The following BMPER variants were observed in gnomAD, a reference collection of about 807,000 sequenced individuals.
BMPER encodes the protein BMP-binding endothelial regulator protein.
Under a neutral mutation model 87.3 loss-of-function variants are expected in BMPER, and 45 were observed. The ratio of observed to expected loss-of-function variants is 0.52; its 90% CI spans 0.41 to 0.66. The LOEUF is 0.66. Ranked by LOEUF, BMPER falls within the 30% of genes least tolerant of loss-of-function variation. BMPER has a pLI of 0.00. For synonymous variants in BMPER, 326 were observed against 316.2 expected (o/e 1.03, Z -0.33); for missense variants, 784 against 867.5 (o/e 0.90, Z 1.21).
rs569637489 is a variant in BMPER, at chr7:33,987,651, C to A, written c.576+12867C>A. Among the ~76,000 whole-genome samples, 9 of 152,280 alleles carry A rather than the reference C, an allele frequency of 5.9e-5. No individual in the cohort carries two copies. In the South Asian group the frequency reaches 1.9e-3, roughly 32 times the overall value. ...ACCAGGAGTCAGCTCCAGTGTCAAACATGTCTATCACAGAATCCTACTACT... is the reference window on the plus strand; with the variant it reads ...ACCAGGAGTCAGCTCCAGTGTCAAAAATGTCTATCACAGAATCCTACTACT... On this transcript the variant is annotated intron_variant, in intron 6 of 14. Transcript: ENST00000649409.
At chr7:34,058,693 T>C (rs1788349179) in intron 10 of BMPER, among the ~76,000 whole-genome samples, 1 of 152,228 alleles carries the variant, frequency 6.6e-6, no homozygotes, top group Non-Finnish European at 1.5e-5. Flanking sequence ...AAATATCTCT[T>C]TTCAAAAACT....
intron 2 of BMPER, among the ~76,000 whole-genome samples, chr7:33,924,490 A>T (rs1451806795): frequency 6.6e-6 from 1 of 152,072 alleles, no homozygotes; most frequent in Non-Finnish European, 1.5e-5. Context: ...ACCGTGCTCC[A>T]GCTGCGCGCT....
chr7:34,078,755 C>T, intron 11 of BMPER, 102 bp from the exon 12 acceptor site: 2 of 1,202,708 alleles, frequency 1.7e-6, no homozygotes, highest in Non-Finnish European at 2.5e-6. Flanking sequence ...TCCCTTAGTG[C>T]ATTTCTGCTA....
chr7:34,062,977 C>G (rs187635416), intron 11 of BMPER, among the ~76,000 whole-genome samples: 2 of 152,328 alleles, frequency 1.3e-5, no homozygotes, highest in Non-Finnish European at 2.9e-5. Flanking sequence ...TACTACTGAT[C>G]ATACAGACAG....
intron 13 of BMPER, among the ~76,000 whole-genome samples, chr7:34,094,172 T>A (rs1789466712): frequency 6.6e-6 from 1 of 152,228 alleles, no homozygotes. Flanking sequence ...GTTATTTAAT[T>A]CACTCCTTTT....
rs910597111 is a variant in BMPER at position 34,107,586 on chromosome 7, A to G, written c.1745+21494A>G. Among the ~76,000 whole-genome samples, 58 of 152,176 alleles carry G rather than the reference A, an allele frequency of 3.8e-4. 1 individual carries two copies. Among genetic ancestry groups the G allele is most frequent in the Non-Finnish European group, 8.8e-5 (6 of 68,030 alleles). On this transcript the variant is annotated intron_variant, in intron 13 of 14. Coordinates refer to ENST00000649409, the MANE Select transcript of BMPER (RefSeq NM_001365308.1). ...GTTTTTTTTCGGAAGTAAAATAGAAATCTGACACCAACTCAGGCCCAGGTG... is the reference window on the plus strand; with the variant it reads ...GTTTTTTTTCGGAAGTAAAATAGAAGTCTGACACCAACTCAGGCCCAGGTG...
At chr7:34,104,158 A>G (rs1789756534) in intron 13 of BMPER, among the ~76,000 whole-genome samples, 1 of 152,140 alleles carries the variant, frequency 6.6e-6, no homozygotes, top group South Asian at 2.1e-4. Flanking sequence ...GCTAAGGACT[A>G]TTTCTTTCTA....
rs538944118 is a variant in BMPER, at chr7:33,991,245, G to A, written c.576+16461G>A. Reference sequence around the variant, plus strand: ...AATTCGGCTGTGAATCCATCTGGTCGTGGACTCTTTTTGGTTGGTAAGCTA... The same window carrying A: ...AATTCGGCTGTGAATCCATCTGGTCATGGACTCTTTTTGGTTGGTAAGCTA... On this transcript the variant is annotated intron_variant, in intron 6 of 14. Transcript: ENST00000649409. 1.3e-4 allele frequency among the ~76,000 whole-genome samples: 20 copies of A among 148,942 alleles called. No individual in the cohort carries two copies. The South Asian group carries it at 2.7e-3, about 20-fold the overall frequency.
intron 13 of BMPER, among the ~76,000 whole-genome samples, chr7:34,129,680 G>GAAAGAAAGAA (rs1313374728): frequency 3.7e-4 from 56 of 151,300 alleles, no homozygotes; most frequent in African/African-American, 1.3e-3. Context: ...AAGAAAGAAA[G>GAAAGAAAGAA]AAAACCTGCC....
chr7:33,937,376 G>T lies in BMPER; in HGVS notation c.307G>T (p.Glu103Ter). ...LAIKQRGACC[E>*]QCKGCTYEGN... ...CATCAAGCAGAGGGGAGCCTGTTGT[G>T]AACAGTGCAAAGGTGATTGATGTCT... Residue 103 changes from glutamate (E) to a stop codon, truncating the protein, a stop_gained, in exon 3 of 15, where the codon GAA becomes TAA. Transcript: ENST00000649409. LOFTEE classifies it high-confidence loss of function. 6.2e-7 allele frequency: 1 copy of T among 1,614,122 alleles called. No homozygotes were observed. Among genetic ancestry groups the T allele is most frequent in the Non-Finnish European group, 8.5e-7 (1 of 1,179,976 alleles).
intron 14 of BMPER, among the ~76,000 whole-genome samples, chr7:34,145,305 C>G (rs1790988292): frequency 6.6e-6 from 1 of 152,106 alleles, no homozygotes; most frequent in Non-Finnish European, 1.5e-5. Context: ...GCACCAGAGC[C>G]CTTTCACCTT....
In BMPER at chr7:34,123,294, G is replaced by C. The variant is rs548424961; in HGVS notation, c.1746-19936G>C. Among the ~76,000 whole-genome samples the C allele has an allele frequency of 1.2e-4, 18 of 152,286 alleles. No individual in the cohort carries two copies. In the East Asian group the frequency reaches 3.5e-3, roughly 29 times the overall value. Reference sequence around the variant, plus strand: ...AATATGCTTCCCGAAGAGAATCAGAGGCCAGTGCTATCTTTTAGCACTAAG... The same window carrying C: ...AATATGCTTCCCGAAGAGAATCAGACGCCAGTGCTATCTTTTAGCACTAAG... On this transcript the variant is annotated intron_variant, in intron 13 of 14. Transcript: ENST00000649409.
At chr7:34,142,162 C>G (rs1397072849) in intron 13 of BMPER, among the ~76,000 whole-genome samples, 6 of 152,120 alleles carry the variant, frequency 3.9e-5, no homozygotes, top group Non-Finnish European at 7.4e-5. Flanking sequence ...TTGGAGGCCT[C>G]TTGCATAAAT....
intron 6 of BMPER, among the ~76,000 whole-genome samples, chr7:34,026,146 G>A (rs1414981218): frequency 6.6e-6 from 1 of 152,034 alleles, no homozygotes; most frequent in Non-Finnish European, 1.5e-5. Flanking sequence ...TGATGGTAAT[G>A]GGGTTGAGAC....
chr7:34,074,973 T>TG (rs973476923), intron 11 of BMPER, among the ~76,000 whole-genome samples: 23 of 152,144 alleles, frequency 1.5e-4, no homozygotes, highest in African/African-American at 5.3e-4. Flanking sequence ...TTGTTGTGTT[T>TG]GGGGGGAGTA....
intron 5 of BMPER, among the ~76,000 whole-genome samples, chr7:33,971,543 A>G (rs1785547882): frequency 6.6e-6 from 1 of 152,204 alleles, no homozygotes; most frequent in African/African-American, 2.4e-5. Context: ...GTGTCTATCA[A>G]GCAGAGATTG....
At chr7:33,996,587 ACC>A (rs1786417385) in intron 6 of BMPER, among the ~76,000 whole-genome samples, 3 of 152,058 alleles carry the variant, frequency 2.0e-5, no homozygotes, top group Non-Finnish European at 2.9e-5. Context: ...TTTATTTAAT[ACC>A]TGTTTATGAT....
chr7:33,936,020 C>T lies in BMPER; in HGVS notation c.220-1269C>T, dbSNP rs115435149. On this transcript the variant is annotated intron_variant, in intron 2 of 14. Coordinates refer to ENST00000649409, the MANE Select transcript of BMPER (RefSeq NM_001365308.1). ...GTAGAACTCACTCTCAGCTCACACA[C>T]AAGCTCGCAGGCACATATGCACATG... is the stretch of plus-strand genomic sequence containing the variant. Among the ~76,000 whole-genome samples the T allele has an allele frequency of 6.5e-3, 997 of 152,238 alleles. 12 individuals carry two copies. The highest frequency in any genetic ancestry group is 0.023 in the African/African-American group (951 of 41,546).
rs6968741 is a variant in BMPER, at chr7:34,153,150, G to C, written c.1935G>C (p.Thr645=). The C allele has an allele frequency of 0.94, 1,510,292 of 1,613,946 alleles. 707,520 individuals carry two copies. Among genetic ancestry groups the C allele is most frequent in the East Asian group, 1 (44,861 of 44,872 alleles). Reference sequence around the variant, plus strand: ...CCTGTGGTCCGGGATGTATCAAGACGTGTGACAACTGGAATGAAATTGGTC... The same window carrying C: ...CCTGTGGTCCGGGATGTATCAAGACCTGTGACAACTGGAATGAAATTGGTC... ...YDTCGPGCIK[T]CDNWNEIGPC... is the part of the protein sequence containing the mutation. Residue 645 remains threonine (T), a synonymous_variant, in exon 15 of 15, where the codon ACG becomes ACC. Transcript: ENST00000649409.
Sources: gnomAD v4.1 joint callset for allele counts (sites outside exome capture counted in the v4.1 genomes callset) on GRCh38, gnomAD v4.1.1 for gene constraint, MANE v1.5 for transcripts, NCBI Gene and HGNC (gene_info 2026-07-23, HGNC 2026-07-21) for gene names.